The following CDYL2 variants were observed in gnomAD, a reference collection of about 807,000 sequenced individuals.
CDYL2 encodes the protein chromodomain Y like 2, also known as chromodomain Y-like protein 2.
Under a neutral mutation model 49.4 loss-of-function variants are expected in CDYL2, and 23 were observed. The ratio of observed to expected loss-of-function variants is 0.47; its 90% CI spans 0.34 to 0.66. CDYL2 has a LOEUF of 0.66. Among genes scored for constraint, CDYL2 ranks in the 30% least tolerant of loss-of-function variants. The pLI is 0.01. For missense variants in CDYL2, 678 were observed against 656.4 expected (o/e 1.03, Z -0.36); for synonymous variants, 360 against 268.8 (o/e 1.34, Z -3.32).
At position 80,599,771 on chromosome 16, in the gene CDYL2, G is replaced by C. The variant is rs1031240144; in HGVS notation, c.*4617C>G. On this transcript the variant is annotated 3_prime_UTR_variant, in exon 7 of 7. Transcript: ENST00000570137. ...GAAATGCCATTTGTTCAGAACAAATGATGGACCAGCAGCCTTCCCTATGAC... is the reference window on the plus strand; with the variant it reads ...GAAATGCCATTTGTTCAGAACAAATCATGGACCAGCAGCCTTCCCTATGAC... The C allele has an allele frequency of 6.6e-6, 1 of 152,328 alleles. No homozygotes were observed. 9.4% of individuals were successfully genotyped at this position (152,328 alleles called of 1,614,324 possible).
chr16:80,786,243 C>T (rs1020757233), intron 1 of CDYL2, among the ~76,000 whole-genome samples: 9 of 152,244 alleles, frequency 5.9e-5, no homozygotes, highest in African/African-American at 1.9e-4. Context: ...CCAGAATCTA[C>T]AAAGAACTTA....
intron 2 of CDYL2, among the ~76,000 whole-genome samples, chr16:80,668,007 C>T (rs970176288): frequency 2.0e-5 from 3 of 152,232 alleles, no homozygotes; most frequent in African/African-American, 7.2e-5. Context: ...TGAGAAGATG[C>T]TCACCCACAT....
intron 1 of CDYL2, among the ~76,000 whole-genome samples, chr16:80,766,711 A>G (rs1360325289): frequency 1.3e-5 from 2 of 152,226 alleles, no homozygotes; most frequent in Admixed American, 6.5e-5. Context: ...TAGATCATAT[A>G]TCTAACTGCC....
intron 1 of CDYL2, among the ~76,000 whole-genome samples, chr16:80,800,033 C>T (rs1051021681): frequency 6.6e-6 from 1 of 152,160 alleles, no homozygotes; most frequent in Non-Finnish European, 1.5e-5. Flanking sequence ...TGCAGTTTTT[C>T]CTAGCTTGTT....
At chr16:80,613,716 A>C (rs147140231) in intron 4 of CDYL2, among the ~76,000 whole-genome samples, 1,955 of 152,306 alleles carry the variant, frequency 0.013, 40 homozygotes, top group African/African-American at 0.045. Flanking sequence ...CCTAGTTGCT[A>C]TGTATGATCT....
At chr16:80,798,401 G>A (rs1907829468) in intron 1 of CDYL2, among the ~76,000 whole-genome samples, 1 of 152,044 alleles carries the variant, frequency 6.6e-6, no homozygotes, top group South Asian at 2.1e-4. Flanking sequence ...AGACCACAAG[G>A]ACAACCCCTC....
At position 80,599,811 on chromosome 16, in the gene CDYL2, G is replaced by C. The variant is rs781671365; in HGVS notation, c.*4577C>G. On this transcript the variant is annotated 3_prime_UTR_variant, in exon 7 of 7. Transcript: ENST00000570137. ...TTCCCTATGACCGTGTCTAAACCAT[G>C]TTTACAGTATGAAGGTGTCTCTGGA... 6.6e-6 allele frequency: 1 copy of C among 152,134 alleles called. No homozygotes were observed. Among genetic ancestry groups the C allele is most frequent in the African/African-American group, 2.4e-5 (1 of 41,408 alleles). 9.4% of individuals were successfully genotyped at this position (152,134 alleles called of 1,614,324 possible). A position where few individuals can be genotyped will look rare whatever the true frequency, so the allele number is the denominator to read the frequency against.
At chr16:80,781,020 C>T (rs1425917275) in intron 1 of CDYL2, among the ~76,000 whole-genome samples, 5 of 152,192 alleles carry the variant, frequency 3.3e-5, no homozygotes. Context: ...GTCCAAAACA[C>T]TTCTCTATGT....
At chr16:80,625,677 T>C (rs1298635056) in intron 3 of CDYL2, among the ~76,000 whole-genome samples, 1 of 151,998 alleles carries the variant, frequency 6.6e-6, no homozygotes, top group African/African-American at 2.4e-5. Context: ...CTTCAGAACA[T>C]CAAAGACAAA....
In CDYL2 at chr16:80,624,526, C is replaced by T. The variant is rs572756546; in HGVS notation, c.835-3591G>A. ...TCTGGGGAGAAGCTGCAACCCAGAC[C>T]GCATGGGAATTACACAGGAAAAAAA... is the stretch of plus-strand genomic sequence containing the variant. On this transcript the variant is annotated intron_variant, in intron 3 of 6. Coordinates refer to ENST00000570137, the MANE Select transcript of CDYL2 (RefSeq NM_152342.4). Among the ~76,000 whole-genome samples, 3 of 152,042 alleles carry T rather than the reference C, an allele frequency of 2.0e-5. No individual in the cohort carries two copies. The East Asian group carries it at 5.8e-4, about 29-fold the overall frequency.
chr16:80,684,499 T>C (rs756356016), intron 2 of CDYL2, 39 bp downstream of exon 2: 1 of 1,576,690 alleles, frequency 6.3e-7, no homozygotes, highest in Non-Finnish European at 8.6e-7. Flanking sequence ...CCTTTCGCCA[T>C]GGCCAGAGCC....
chr16:80,717,178 G>A (rs897424697), intron 1 of CDYL2, among the ~76,000 whole-genome samples: 4 of 151,168 alleles, frequency 2.6e-5, no homozygotes, highest in African/African-American at 9.7e-5. Flanking sequence ...TGGATGGATG[G>A]ATGGATGGAT....
intron 2 of CDYL2, among the ~76,000 whole-genome samples, chr16:80,651,651 A>G (rs1908587716): frequency 6.6e-6 from 1 of 152,254 alleles, no homozygotes; most frequent in South Asian, 2.1e-4. Context: ...GAATGTGACA[A>G]AAGAATCCAT....
chr16:80,783,039 T>C (rs1024503706), intron 1 of CDYL2, among the ~76,000 whole-genome samples: 2 of 151,974 alleles, frequency 1.3e-5, no homozygotes, highest in East Asian at 3.9e-4. Context: ...AAAACACAGA[T>C]ACAGTAGAAT....
rs1028448002 is a variant in CDYL2 at position 80,756,401 on chromosome 16, G to T, written c.24+47749C>A. Among the ~76,000 whole-genome samples the T allele has an allele frequency of 5.3e-5, 8 of 151,900 alleles. No individual in the cohort carries two copies. In the South Asian group the frequency reaches 1.7e-3, roughly 32 times the overall value. ...AGGGAATTTGTTAACAAGAATAAAA[G>T]AATATATAACAAAAAATGGCAGTAA... On this transcript the variant is annotated intron_variant, in intron 1 of 6. Coordinates refer to ENST00000570137, the MANE Select transcript of CDYL2 (RefSeq NM_152342.4).
intron 2 of CDYL2, among the ~76,000 whole-genome samples, chr16:80,639,234 G>T (rs547525100): frequency 1.7e-4 from 26 of 152,316 alleles, no homozygotes; most frequent in African/African-American, 6.3e-4. Flanking sequence ...TGACAGGAAT[G>T]CTCATTCACT....
At chr16:80,730,781 G>A (rs1175464041) in intron 1 of CDYL2, among the ~76,000 whole-genome samples, 2 of 152,128 alleles carry the variant, frequency 1.3e-5, no homozygotes, top group Non-Finnish European at 2.9e-5. Context: ...ATATAAAAAA[G>A]AATGAATTAC....
intron 2 of CDYL2, among the ~76,000 whole-genome samples, chr16:80,658,752 C>A (rs1171024777): frequency 6.6e-6 from 1 of 151,992 alleles, no homozygotes; most frequent in Non-Finnish European, 1.5e-5. Context: ...TATGTAGATC[C>A]CACATGTTGG....
chr16:80,687,424 GGATA>G (rs907710730), intron 1 of CDYL2, among the ~76,000 whole-genome samples: 1 of 152,064 alleles, frequency 6.6e-6, no homozygotes, highest in Non-Finnish European at 1.5e-5. Context: ...ATGGATGAAT[GGATA>G]GATGGATGGT....
Sources: allele counts gnomAD v4.1 joint callset (sites outside exome capture counted in the v4.1 genomes callset), GRCh38; gene constraint gnomAD v4.1.1; transcripts MANE v1.5; gene names NCBI Gene and HGNC (gene_info 2026-07-23, HGNC 2026-07-21).